The following ZNF207 variants were observed in gnomAD, a reference collection of about 807,000 sequenced individuals.
ZNF207 encodes the protein zinc finger protein 207.
In ZNF207, 24 loss-of-function variants were observed where a neutral mutation model predicts 60.2. The observed-to-expected ratio is 0.40, with a 90% CI of 0.29 to 0.56. ZNF207 has a LOEUF of 0.56. Ranked by LOEUF, ZNF207 falls within the 20% of genes least tolerant of loss-of-function variation. ZNF207 has a pLI of 0.49. For missense variants in ZNF207, 452 were observed against 636.6 expected (o/e 0.71, Z 3.12); for synonymous variants, 236 against 194.7 (o/e 1.21, Z -1.77).
In ZNF207 at chr17:32,369,610, G is replaced by A; in HGVS notation, c.1336G>A (p.Gly446Ser). 3 of 1,567,534 alleles carry A rather than the reference G, an allele frequency of 1.9e-6. No homozygotes were observed. The highest frequency in any genetic ancestry group is 2.6e-6 in the Non-Finnish European group (3 of 1,155,538). ...ATTCTTGATTTTAGGTCAGTATGGTGGTCATCATCAAGGCATGCCAGGATA... is the reference window on the plus strand; with the variant it reads ...ATTCTTGATTTTAGGTCAGTATGGTAGTCATCATCAAGGCATGCCAGGATA... ...PPMPPHGQYG[G>S]HHQGMPGYLP... Residue 446 changes from glycine to serine, a missense_variant, in exon 12 of 12, where the codon GGT becomes AGT. By Grantham distance (56) the Gly-to-Ser change is moderately conservative (BLOSUM62 0). This residue lies in a region of ZNF207 where 390 missense variants were observed against 461.4 expected (regional missense o/e 0.85). Transcript: ENST00000394670.
chr17:32,358,091 C>G (rs1904655946), intron 2 of ZNF207, among the ~76,000 whole-genome samples: 1 of 152,186 alleles, frequency 6.6e-6, no homozygotes, highest in African/African-American at 2.4e-5. Flanking sequence ...TATTCTAATT[C>G]TTAATATGAG....
At chr17:32,369,540 A>C (rs1316544046) in intron 11 of ZNF207, 59 bp from the exon 12 acceptor site, 1 of 1,587,422 alleles carries the variant, frequency 6.3e-7, no homozygotes, top group East Asian at 2.2e-5. Flanking sequence ...CATACGTTGC[A>C]CTTAAAAGTA....
rs1905714465 is a variant in ZNF207 at position 32,377,409 on chromosome 17, A to C, written c.*7650A>C. On this transcript the variant is annotated 3_prime_UTR_variant, in exon 12 of 12. Transcript: ENST00000394670. ...ACTACAGTTACTGTAAGTCTGAGTTAGAAAAAATACAGAGCATCTAGTTAT... is the reference window on the plus strand; with the variant it reads ...ACTACAGTTACTGTAAGTCTGAGTTCGAAAAAATACAGAGCATCTAGTTAT... 6.6e-6 allele frequency: 1 copy of C among 152,002 alleles called. No homozygotes were observed. The highest frequency in any genetic ancestry group is 6.6e-5 in the Admixed American group (1 of 15,258). 9.4% of individuals were successfully genotyped at this position (152,002 alleles called of 1,614,324 possible).
In ZNF207 at chr17:32,361,455, T is replaced by A; in HGVS notation, c.552-13T>A. On this transcript the variant is annotated splice_polypyrimidine_tract_variant and intron_variant, in intron 5 of 11. Coordinates refer to ENST00000394670, the MANE Select transcript of ZNF207 (RefSeq NM_001098507.2). The stretch of plus-strand genomic sequence containing the variant: ...TCACAGTTAGATTTTGATTTTGTCA[T>A]ACATTTTCACAGATTGCATCATCAG... 6.2e-7 allele frequency: 1 copy of A among 1,606,642 alleles called. No homozygotes were observed. The highest frequency in any genetic ancestry group is 8.5e-7 in the Non-Finnish European group (1 of 1,176,050).
At chr17:32,353,717 AGACAGGAGAATCACTT>A (rs1298681170) in intron 2 of ZNF207, among the ~76,000 whole-genome samples, 1 of 150,120 alleles carries the variant, frequency 6.7e-6, no homozygotes, top group Non-Finnish European at 1.5e-5. Context: ...GCGGGTGCTG[AGACAGGAGAATCACTT>A]GAACCCGGGA....
intron 7 of ZNF207, 124 bp from the exon 8 acceptor site, chr17:32,365,206 A>T: frequency 9.3e-7 from 1 of 1,076,210 alleles, no homozygotes; most frequent in South Asian, 1.7e-5. Context: ...GCAAATGCCT[A>T]AGTTCCTTGG....
intron 6 of ZNF207, among the ~76,000 whole-genome samples, chr17:32,362,131 AGTGTGTGTGTG>A (rs1216878495): frequency 2.2e-3 from 321 of 146,024 alleles, no homozygotes; most frequent in African/African-American, 7.1e-3. Context: ...AAAAAAAAAA[AGTGTGTGTGTG>A]TGTGTGTGTG....
chr17:32,350,379 G>A lies in ZNF207; in HGVS notation c.41+53G>A, dbSNP rs1003352264. ...TCGCGTTGGGGTGCCGGTTGTTGGG[G>A]CCTGGGACTAGGAGGCCTGGATTTG... On this transcript the variant is annotated intron_variant, in intron 1 of 11. Coordinates refer to ENST00000394670, the MANE Select transcript of ZNF207 (RefSeq NM_001098507.2). 4 of 1,611,372 alleles carry A rather than the reference G, an allele frequency of 2.5e-6. No homozygotes were observed. In the East Asian group the frequency reaches 6.7e-5, roughly 27 times the overall value.
At position 32,372,992 on chromosome 17, in the gene ZNF207, A is replaced by G. The variant is rs1160841943; in HGVS notation, c.*3233A>G. 6.5e-6 allele frequency: 1 copy of G among 154,556 alleles called. No individual in the cohort carries two copies. The highest frequency in any genetic ancestry group is 6.5e-5 in the Admixed American group (1 of 15,358). The allele number at this position is 154,556 out of a possible 1,614,324, so 9.6% of individuals were successfully genotyped here. On this transcript the variant is annotated 3_prime_UTR_variant, in exon 12 of 12. Coordinates refer to ENST00000394670, the MANE Select transcript of ZNF207 (RefSeq NM_001098507.2). ...ACAAGAAAACATTTTGTCTGGCACTAGTTTCTGTTGTATAAGTTTTCATAC... is the reference window on the plus strand; with the variant it reads ...ACAAGAAAACATTTTGTCTGGCACTGGTTTCTGTTGTATAAGTTTTCATAC...
chr17:32,371,119 T>C lies in ZNF207; in HGVS notation c.*1360T>C, dbSNP rs1318242645. ...AAATAATAGCTCTTGTTGACCTTTT[T>C]GGGATCTGTTTTTCTGATCTTTTGC... On this transcript the variant is annotated 3_prime_UTR_variant, in exon 12 of 12. Transcript: ENST00000394670. 2 of 152,206 alleles carry C rather than the reference T, an allele frequency of 1.3e-5. No homozygotes were observed. The highest frequency in any genetic ancestry group is 1.3e-4 in the Admixed American group (2 of 15,284). 9.4% of individuals were successfully genotyped at this position (152,206 alleles called of 1,614,324 possible). A position where few individuals can be genotyped will look rare whatever the true frequency, so the allele number is the denominator to read the frequency against.
rs1319400126 is a variant in ZNF207 at position 32,375,631 on chromosome 17, C to CTT, written c.*5874_*5875dup. On this transcript the variant is annotated 3_prime_UTR_variant, in exon 12 of 12. Transcript: ENST00000394670. ...ATGAAAGAAAATTGTGAAGTCACCA[C>CTT]TTTAACTGAGTCAAAATTTTGTTTG... is the stretch of plus-strand genomic sequence containing the variant. 6.6e-6 allele frequency: 1 copy of CTT among 152,166 alleles called. No individual in the cohort carries two copies. The highest frequency in any genetic ancestry group is 1.9e-4 in the East Asian group (1 of 5,190). 9.4% of individuals were successfully genotyped at this position (152,166 alleles called of 1,614,324 possible). A position where few individuals can be genotyped will look rare whatever the true frequency, so the allele number is the denominator to read the frequency against.
At position 32,381,042 on chromosome 17, in the gene ZNF207, T is replaced by C. The variant is rs989626680; in HGVS notation, c.*11283T>C. On this transcript the variant is annotated 3_prime_UTR_variant, in exon 12 of 12. Coordinates refer to ENST00000394670, the MANE Select transcript of ZNF207 (RefSeq NM_001098507.2). Reference sequence around the variant, plus strand: ...CTATTAATAATAAAGTGATAATAAATGAAGGTTAAAGTCAAGTGTTCAATT... The same window carrying C: ...CTATTAATAATAAAGTGATAATAAACGAAGGTTAAAGTCAAGTGTTCAATT... The C allele has an allele frequency of 6.6e-6, 1 of 152,178 alleles. No homozygotes were observed. Among genetic ancestry groups the C allele is most frequent in the Non-Finnish European group, 1.5e-5 (1 of 68,030 alleles). The allele number at this position is 152,178 out of a possible 1,614,324, so 9.4% of individuals were successfully genotyped here. A position where few individuals can be genotyped will look rare whatever the true frequency, so the allele number is the denominator to read the frequency against.
intron 2 of ZNF207, among the ~76,000 whole-genome samples, chr17:32,353,063 A>C (rs2041534702): frequency 6.6e-6 from 1 of 152,174 alleles, no homozygotes; most frequent in Non-Finnish European, 1.5e-5. Flanking sequence ...AATCCTGGCT[A>C]CTGGGGAGGC....
Position 32,361,501 on chromosome 17 carries a change from T to C in ZNF207, c.585T>C (p.Phe195=), listed in dbSNP as rs370280717. 31 of 1,607,820 alleles carry C rather than the reference T, an allele frequency of 1.9e-5. No individual in the cohort carries two copies. Among genetic ancestry groups the C allele is most frequent in the Non-Finnish European group, 2.5e-5 (29 of 1,177,014 alleles). ...LHHQRKYTQS[F]CGENIMMPMG... ...ATCAGAGAAAATACACCCAGTCATT[T>C]TGCGGTGAAAACATGTAAGCATCTC... Residue 195 remains phenylalanine, a synonymous_variant, in exon 6 of 12, where the codon TTT becomes TTC. Transcript: ENST00000394670.
chr17:32,367,252 T>TATATATATAC (rs1328533057), intron 9 of ZNF207, among the ~76,000 whole-genome samples: 1 of 90,004 alleles, frequency 1.1e-5, no homozygotes, highest in East Asian at 2.9e-4. Context: ...TATATATATA[T>TATATATATAC]ATATATATAT....
At chr17:32,369,504 G>T (rs766963631) in intron 11 of ZNF207, 50 bp downstream of exon 11, 1 of 1,603,368 alleles carries the variant, frequency 6.2e-7, no homozygotes, top group South Asian at 1.1e-5. Flanking sequence ...CTAAGTTCAC[G>T]CATAAAATAT....
chr17:32,371,215 G>A lies in ZNF207; in HGVS notation c.*1456G>A, dbSNP rs1021401768. On this transcript the variant is annotated 3_prime_UTR_variant, in exon 12 of 12. Transcript: ENST00000394670. ...TATTAATATAATGAACTCAAGTTGA[G>A]TTTTTCTCATTATAAAGTTAAGACT... 3.3e-5 allele frequency: 5 copies of A among 152,064 alleles called. No individual in the cohort carries two copies. Among genetic ancestry groups the A allele is most frequent in the South Asian group, 2.1e-4 (1 of 4,828 alleles). The allele number at this position is 152,064 out of a possible 1,614,324, so 9.4% of individuals were successfully genotyped here. A position where few individuals can be genotyped will look rare whatever the true frequency, so the allele number is the denominator to read the frequency against.
At chr17:32,367,320 C>T (rs1304252056) in intron 9 of ZNF207, among the ~76,000 whole-genome samples, 1 of 130,240 alleles carries the variant, frequency 7.7e-6, no homozygotes, top group East Asian at 2.4e-4. Flanking sequence ...TTTATTGTGT[C>T]ACCATTTACA....
chr17:32,352,002 T>C (rs868862890), intron 2 of ZNF207, 90 bp downstream of exon 2: 22 of 1,340,488 alleles, frequency 1.6e-5, no homozygotes, highest in Middle Eastern at 4.9e-4. Flanking sequence ...AGTTTCGGTC[T>C]TGTCGCCCAA....
Sources: gnomAD v4.1 joint callset for allele counts (sites outside exome capture counted in the v4.1 genomes callset) on GRCh38, gnomAD v4.1.1 for gene constraint, gnomAD v4.1.1 regional missense constraint, MANE v1.5 for transcripts, NCBI Gene and HGNC (gene_info 2026-07-23, HGNC 2026-07-21) for gene names.